Variants in TRPV1 observed in about 807,000 individuals in gnomAD.
TRPV1 encodes the protein OTRPC1.
A neutral mutation model predicts 82.3 loss-of-function variants in TRPV1; 82 were observed. The observed-to-expected ratio is 1.00, with a 90% CI of 0.83 to 1.20. The LOEUF is 1.20. TRPV1 is among the 50% of genes most tolerant of loss of function. TRPV1 has a pLI of 0.00. For synonymous variants in TRPV1, 515 were observed against 467.7 expected (o/e 1.10, Z -1.30); for missense variants, 1,067 against 1,096.8 (o/e 0.97, Z 0.38).
In TRPV1 at chr17:3,592,304, A is replaced by G; in HGVS notation, c.47T>C (p.Leu16Pro). 6.2e-7 allele frequency: 1 copy of G among 1,600,702 alleles called. No individual in the cohort carries two copies. The highest frequency in any genetic ancestry group is 2.3e-5 in the East Asian group (1 of 44,396). ...GGGGTCTGGGCAGGTGTCCTTTTGG[A>G]GTGGGTCCGCAGCTGCCCCCAAGTC... ...STDLGAAADP[L>P]QKDTCPDPLD... is the part of the protein sequence containing the mutation. The change falls in exon 3 of 17, where the codon CTC (leucine) becomes CCC (proline). Residue 16 changes from leucine (L) to proline (P), a missense_variant. Physicochemically the swap from Leu to Pro is moderately conservative, Grantham distance 98 (BLOSUM62 -3). Transcript: ENST00000572705.
At chr17:3,599,689 C>T (rs1273852582) in intron 2 of TRPV1, among the ~76,000 whole-genome samples, 2 of 149,484 alleles carry the variant, frequency 1.3e-5, no homozygotes, top group East Asian at 2.0e-4. Context: ...AGTGCAATGG[C>T]GTGATCTCAG....
At chr17:3,594,285 C>A (rs1356710657) in intron 2 of TRPV1, among the ~76,000 whole-genome samples, 1 of 151,934 alleles carries the variant, frequency 6.6e-6, no homozygotes, top group Non-Finnish European at 1.5e-5. Flanking sequence ...CGGAAAACAG[C>A]CGCAGAAGAA....
chr17:3,582,282 G>A (rs1317740592), intron 10 of TRPV1, among the ~76,000 whole-genome samples: 1 of 151,020 alleles, frequency 6.6e-6, no homozygotes. Flanking sequence ...TGAGGTGGGA[G>A]GATTGCTTGA....
At chr17:3,594,752 TC>T (rs2075202733) in intron 2 of TRPV1, among the ~76,000 whole-genome samples, 1 of 152,072 alleles carries the variant, frequency 6.6e-6, no homozygotes, top group African/African-American at 2.4e-5. Context: ...AGGAGTCAGC[TC>T]CCCGCTGAGA....
At chr17:3,579,853 G>A (rs540488843) in intron 11 of TRPV1, among the ~76,000 whole-genome samples, 5 of 152,224 alleles carry the variant, frequency 3.3e-5, no homozygotes, top group African/African-American at 9.6e-5. Context: ...GAGTGATTCC[G>A]GCACCACCCC....
At chr17:3,588,471 C>T (rs1420012163) in intron 7 of TRPV1, 104 bp from the exon 8 acceptor site, 4 of 1,361,402 alleles carry the variant, frequency 2.9e-6, no homozygotes, top group Non-Finnish European at 4.0e-6. Context: ...GTGGCCCCAC[C>T]TAAGCCCCAG....
At chr17:3,581,215 T>C (rs894378010) in intron 10 of TRPV1, among the ~76,000 whole-genome samples, 1 of 152,152 alleles carries the variant, frequency 6.6e-6, no homozygotes, top group Admixed American at 6.6e-5. Flanking sequence ...ACTCCTGGCC[T>C]CAGCCTCCCA....
rs1567673375 is a variant in TRPV1 at position 3,594,160 on chromosome 17, C to CAAAAAAAAAAA, written c.-33-1778_-33-1777insTTTTTTTTTTT. Among the ~76,000 whole-genome samples the CAAAAAAAAAAA allele has an allele frequency of 8.3e-4, 96 of 115,828 alleles. 12 individuals are homozygous for CAAAAAAAAAAA. The highest frequency in any genetic ancestry group is 7.0e-3 in the African/African-American group (90 of 12,774). The allele number at this position is 115,828 out of a possible 152,430, so 76.0% of individuals were successfully genotyped here. A position where few individuals can be genotyped will look rare whatever the true frequency, so the allele number is the denominator to read the frequency against. Reference sequence around the variant, plus strand: ...AAAAAAAAAAAAAAAAAAGAAGCAGCAGCAGCAGCAGCAGCAGCAGCTGCA... The same window carrying CAAAAAAAAAAA: ...AAAAAAAAAAAAAAAAAAGAAGCAGCAAAAAAAAAAAAGCAGCAGCAGCAGCAGCAGCTGCA... On this transcript the variant is annotated intron_variant, in intron 2 of 16. Coordinates refer to ENST00000572705, the MANE Select transcript of TRPV1 (RefSeq NM_080704.4).
At chr17:3,599,967 A>C (rs2075249505) in intron 2 of TRPV1, among the ~76,000 whole-genome samples, 1 of 152,140 alleles carries the variant, frequency 6.6e-6, no homozygotes, top group South Asian at 2.1e-4. Flanking sequence ...CGTGGGATGG[A>C]TGGACCACAT....
intron 10 of TRPV1, among the ~76,000 whole-genome samples, chr17:3,581,363 A>G (rs1291214025): frequency 6.6e-6 from 1 of 152,160 alleles, no homozygotes; most frequent in African/African-American, 2.4e-5. Flanking sequence ...AGTCCTGTCC[A>G]AGACACCACC....
intron 16 of TRPV1, 144 bp downstream of exon 16, chr17:3,571,380 A>G: frequency 1.6e-6 from 1 of 627,328 alleles, no homozygotes; most frequent in South Asian, 1.8e-5. Flanking sequence ...CTATGTGCTC[A>G]TGGCCGACGT....
intron 12 of TRPV1, 119 bp from the exon 13 acceptor site, chr17:3,577,311 T>C (rs1407632322): frequency 7.0e-6 from 8 of 1,140,208 alleles, no homozygotes; most frequent in Non-Finnish European, 1.0e-5. Context: ...TTTGCTTTGC[T>C]GGTTCTCAGC....
In TRPV1 at chr17:3,575,485, GAA is replaced by G. The variant is rs34777471; in HGVS notation, c.1781-1532_1781-1531del. On this transcript the variant is annotated intron_variant, in intron 13 of 16. Coordinates refer to ENST00000572705, the MANE Select transcript of TRPV1 (RefSeq NM_080704.4). The stretch of plus-strand genomic sequence containing the variant: ...GCGACAGACAGAGACTCCTTCTCAA[GAA>G]AAAAAAAAAAAATCATCATTTGGCC... Among the ~76,000 whole-genome samples the G allele has an allele frequency of 6.5e-4, 95 of 145,608 alleles. 1 individual carries two copies. The highest frequency in any genetic ancestry group is 1.6e-3 in the East Asian group (8 of 5,006).
intron 2 of TRPV1, among the ~76,000 whole-genome samples, chr17:3,599,131 C>T (rs1388397737): frequency 2.6e-5 from 4 of 151,522 alleles, no homozygotes; most frequent in South Asian, 2.1e-4. Flanking sequence ...CCCAGCTATT[C>T]GGGAGACTGA....
intron 2 of TRPV1, among the ~76,000 whole-genome samples, chr17:3,600,388 G>A (rs903571431): frequency 6.6e-5 from 10 of 152,166 alleles, no homozygotes; most frequent in African/African-American, 2.4e-4. Context: ...AGGAGTTCAA[G>A]ACCAGCCTAG....
At position 3,577,688 on chromosome 17, in the gene TRPV1, C is replaced by T; in HGVS notation, c.1623G>A (p.Met541Ile). The T allele has an allele frequency of 6.3e-7, 1 of 1,588,520 alleles. No homozygotes were observed. Among genetic ancestry groups the T allele is most frequent in the Non-Finnish European group, 8.6e-7 (1 of 1,167,950 alleles). The change falls in exon 12 of 17, where the codon ATG becomes ATA. Residue 541 changes from methionine (M) to isoleucine (I), a missense_variant. Transcript: ENST00000572705. ...FSHLKEYVAS[M>I]VFSLALGWTN... is the part of the protein sequence containing the mutation. ...TCCAGCCCAAGGCCAGGGAGAATAC[C>T]ATGGAAGCCACATACTCCTTGAGGT...
chr17:3,576,668 A>AAAAAAAAATATATATATATAT, intron 13 of TRPV1, among the ~76,000 whole-genome samples: 2 of 38,422 alleles, frequency 5.2e-5, no homozygotes, highest in Non-Finnish European at 1.1e-4. Flanking sequence ...AAAAAAAAAA[A>AAAAAAAAATATATATATATAT]ATATATATAT....
chr17:3,572,082 A>C, intron 15 of TRPV1, 40 bp downstream of exon 15: 1 of 1,601,096 alleles, frequency 6.2e-7, no homozygotes, highest in Non-Finnish European at 8.5e-7. Context: ...GTGAGCCCCA[A>C]AGCTCCCAAG....
rs1450508716 is a variant in TRPV1 at position 3,573,757 on chromosome 17, A to G, written c.1979T>C (p.Phe660Ser). 2 of 1,614,038 alleles carry G rather than the reference A, an allele frequency of 1.2e-6. No homozygotes were observed. The highest frequency in any genetic ancestry group is 4.5e-5 in the East Asian group (2 of 44,882). Residue 660 changes from phenylalanine (F) to serine (S), a missense_variant, in exon 14 of 17, where the codon TTC (phenylalanine) becomes TCC (serine). By Grantham distance (155) the Phe-to-Ser change is radical (BLOSUM62 -2). Coordinates refer to ENST00000572705, the MANE Select transcript of TRPV1 (RefSeq NM_080704.4). ...FTENYDFKAV[F>S]IILLLAYVIL... is the part of the protein sequence containing the mutation. ...TACATAGGCCAGCAGCAGGATGATGAAGACAGCCTTGAAGTCATAGTTCTC... is the reference window on the plus strand; with the variant it reads ...TACATAGGCCAGCAGCAGGATGATGGAGACAGCCTTGAAGTCATAGTTCTC...
Sources: allele counts gnomAD v4.1 joint callset (sites outside exome capture counted in the v4.1 genomes callset), GRCh38; gene constraint gnomAD v4.1.1; transcripts MANE v1.5; gene names NCBI Gene and HGNC (gene_info 2026-07-23, HGNC 2026-07-21).